MSI2: variants seen among roughly 807,000 people sequenced by gnomAD.
MSI2 encodes the protein RNA-binding protein Musashi homolog 2.
In MSI2, 17 loss-of-function variants were observed where a neutral mutation model predicts 45.6. The ratio of observed to expected loss-of-function variants is 0.37; its 90% CI spans 0.26 to 0.56. The LOEUF (loss-of-function observed/expected upper bound fraction) is 0.56, where lower values mean the gene tolerates loss of function less well. Among genes scored for constraint, MSI2 ranks in the 20% least tolerant of loss-of-function variants. The pLI is 0.77. For missense variants in MSI2, 293 were observed against 444.2 expected (o/e 0.66, Z 3.06); for synonymous variants, 156 against 158.2 (o/e 0.99, Z 0.11).
intron 6 of MSI2, among the ~76,000 whole-genome samples, chr17:57,473,709 A>G (rs2085484199): frequency 6.6e-6 from 1 of 152,060 alleles, no homozygotes; most frequent in Non-Finnish European, 1.5e-5. Context: ...AGAACAGAGG[A>G]TGTTTGGTTG....
intron 5 of MSI2, among the ~76,000 whole-genome samples, chr17:57,326,035 T>C (rs545986539): frequency 1.3e-5 from 2 of 152,256 alleles, no homozygotes; most frequent in South Asian, 2.1e-4. Context: ...CTCCCTTTTT[T>C]CCTTCAAGCG....
chr17:57,610,366 C>T (rs1018836054), intron 8 of MSI2, among the ~76,000 whole-genome samples: 1 of 152,086 alleles, frequency 6.6e-6, no homozygotes, highest in Non-Finnish European at 1.5e-5. Flanking sequence ...GCAGGAGAAT[C>T]ACTTGAACCC....
At chr17:57,517,859 C>CAG (rs2086503192) in intron 6 of MSI2, among the ~76,000 whole-genome samples, 1 of 152,112 alleles carries the variant, frequency 6.6e-6, no homozygotes, top group Non-Finnish European at 1.5e-5. Context: ...CACCTCCCAT[C>CAG]AGAGTGGCAG....
At chr17:57,645,284 G>A (rs944825882) in intron 10 of MSI2, among the ~76,000 whole-genome samples, 1 of 152,178 alleles carries the variant, frequency 6.6e-6, no homozygotes, top group Non-Finnish European at 1.5e-5. Flanking sequence ...ACAGGGGACA[G>A]GCCACAAGAG....
At chr17:57,579,630 G>GC in intron 7 of MSI2, among the ~76,000 whole-genome samples, 1 of 152,210 alleles carries the variant, frequency 6.6e-6, no homozygotes, top group Non-Finnish European at 1.5e-5. Context: ...ACCCTGAGCA[G>GC]CCGCCCCTTG....
rs1908951933 is a variant in MSI2 at position 57,627,811 on chromosome 17, A to AG, written c.727+512dup. 1 of 163,978 alleles carries AG rather than the reference A, an allele frequency of 6.1e-6. No homozygotes were observed. Among genetic ancestry groups the AG allele is most frequent in the Admixed American group, 5.9e-5 (1 of 16,994 alleles). 10.2% of individuals were successfully genotyped at this position (163,978 alleles called of 1,614,324 possible). ...TGGGCTGTGTTGATGTTGAGCTGCTAGGGGTTGGGACTGCTGTCCATCCTG... is the reference window on the plus strand; with the variant it reads ...TGGGCTGTGTTGATGTTGAGCTGCTAGGGGGTTGGGACTGCTGTCCATCCTG... On this transcript the variant is annotated intron_variant, in intron 10 of 13. Transcript: ENST00000284073. The surrounding 1 kb of genome is among the most constrained non-coding windows in gnomAD (Gnocchi z 4.6).
At chr17:57,553,518 G>C (rs2087355358) in intron 7 of MSI2, among the ~76,000 whole-genome samples, 1 of 152,186 alleles carries the variant, frequency 6.6e-6, no homozygotes, top group Non-Finnish European at 1.5e-5. Context: ...CCCTGGTGTT[G>C]ACTTTGAAAA....
intron 5 of MSI2, among the ~76,000 whole-genome samples, chr17:57,263,314 A>G (rs1216061974): frequency 6.6e-6 from 1 of 152,188 alleles, no homozygotes; most frequent in East Asian, 1.9e-4. Context: ...TAAAGATGGA[A>G]ACACAACTTT....
At chr17:57,521,258 A>G (rs944512072) in intron 6 of MSI2, among the ~76,000 whole-genome samples, 4 of 152,192 alleles carry the variant, frequency 2.6e-5, no homozygotes, top group African/African-American at 9.6e-5. Context: ...CTTGGACTCA[A>G]AAGCCCAGCA....
intron 5 of MSI2, among the ~76,000 whole-genome samples, chr17:57,360,889 C>T (rs183652115): frequency 2.6e-5 from 4 of 152,270 alleles, no homozygotes; most frequent in East Asian, 1.9e-4. Context: ...TTATGGGATG[C>T]GTAGATGCCA....
intron 6 of MSI2, among the ~76,000 whole-genome samples, chr17:57,463,999 G>A (rs1411172219): frequency 8.2e-6 from 1 of 122,066 alleles, no homozygotes; most frequent in Non-Finnish European, 2.0e-5. Context: ...ACGTGTGTGT[G>A]TGTGTGTGTG....
chr17:57,600,634 C>T (rs183116097), intron 8 of MSI2, among the ~76,000 whole-genome samples: 2 of 152,280 alleles, frequency 1.3e-5, no homozygotes, highest in Admixed American at 1.3e-4. Flanking sequence ...GTGAGTCATT[C>T]TACTCACAGG....
At chr17:57,668,076 G>A (rs953299998) in intron 11 of MSI2, among the ~76,000 whole-genome samples, 1 of 152,170 alleles carries the variant, frequency 6.6e-6, no homozygotes, top group African/African-American at 2.4e-5. Context: ...CCGCACACCT[G>A]TAATCCCAGG....
intron 11 of MSI2, among the ~76,000 whole-genome samples, chr17:57,667,319 A>G (rs1354770833): frequency 6.6e-6 from 1 of 152,172 alleles, no homozygotes; most frequent in Non-Finnish European, 1.5e-5. Flanking sequence ...CAGCCAAACC[A>G]TAAACATTTG....
intron 7 of MSI2, among the ~76,000 whole-genome samples, chr17:57,543,784 C>CT (rs2087105139): frequency 6.6e-6 from 1 of 152,158 alleles, no homozygotes; most frequent in Non-Finnish European, 1.5e-5. Flanking sequence ...ACAAAAGAAG[C>CT]TTTGTATTTT....
At chr17:57,433,505 A>G (rs1226215499) in intron 6 of MSI2, among the ~76,000 whole-genome samples, 1 of 152,208 alleles carries the variant, frequency 6.6e-6, no homozygotes, top group East Asian at 1.9e-4. Context: ...GACTCTCCCC[A>G]GAGCTTTAGA....
chr17:57,561,432 C>T (rs1465690137), intron 7 of MSI2, among the ~76,000 whole-genome samples: 1 of 152,292 alleles, frequency 6.6e-6, no homozygotes, highest in African/African-American at 2.4e-5. Context: ...CCCAGCATAT[C>T]CATTTCTGTG....
the MSI2 span, among the ~76,000 whole-genome samples, chr17:57,699,909 G>C: frequency 6.6e-6 from 1 of 152,230 alleles, no homozygotes; most frequent in African/African-American, 2.4e-5. Flanking sequence ...ACTCTCTGAG[G>C]AAGGAGCAGG....
intron 5 of MSI2, among the ~76,000 whole-genome samples, chr17:57,287,758 C>T (rs533393265): frequency 1.2e-4 from 18 of 152,338 alleles, no homozygotes; most frequent in African/African-American, 3.4e-4. Flanking sequence ...CTGCCTAGAG[C>T]GGAGCAGGAT....
Sources: gnomAD v4.1 joint callset for allele counts (sites outside exome capture counted in the v4.1 genomes callset) on GRCh38, gnomAD v4.1.1 for gene constraint, Gnocchi (gnomAD v3.1) non-coding constraint, MANE v1.5 for transcripts, NCBI Gene and HGNC (gene_info 2026-07-23, HGNC 2026-07-21) for gene names.